CHRM3: variants seen among roughly 807,000 people sequenced by gnomAD.
The protein encoded by CHRM3 is muscarinic acetylcholine receptor M3.
CHRM3 carries 11 observed loss-of-function variants against 41.8 expected under a neutral mutation model. That is an observed-to-expected ratio of 0.26 (90% CI 0.17 to 0.44). The LOEUF (loss-of-function observed/expected upper bound fraction) is 0.44. Ranked by LOEUF, CHRM3 falls within the 20% of genes least tolerant of loss-of-function variation. The pLI is 1.00. For synonymous variants in CHRM3, 297 were observed against 301.4 expected (o/e 0.99, Z 0.15); for missense variants, 571 against 745.4 (o/e 0.77, Z 2.72).
chr1:239,891,323 T>C (rs909091012), intron 6 of CHRM3, among the ~76,000 whole-genome samples: 5 of 152,340 alleles, frequency 3.3e-5, no homozygotes, highest in African/African-American at 9.6e-5. Flanking sequence ...TTTTTGTTTT[T>C]ATTAATAAAT....
chr1:239,795,140 G>A (rs557406405), intron 5 of CHRM3, among the ~76,000 whole-genome samples: 1 of 152,132 alleles, frequency 6.6e-6, no homozygotes, highest in Admixed American at 6.6e-5. Context: ...TTAACTGAAA[G>A]AAAATAGCTT....
intron 5 of CHRM3, among the ~76,000 whole-genome samples, chr1:239,682,582 C>A (rs1372563561): frequency 6.6e-6 from 1 of 151,782 alleles, no homozygotes; most frequent in Non-Finnish European, 1.5e-5. Flanking sequence ...TTGCTATTAA[C>A]TCCCTTTAAT....
At chr1:239,435,210 G>C (rs574647146) in intron 1 of CHRM3, among the ~76,000 whole-genome samples, 8 of 150,750 alleles carry the variant, frequency 5.3e-5, no homozygotes, top group East Asian at 3.9e-4. Flanking sequence ...CCAGCACTTC[G>C]GGAGGCCAAG....
intron 4 of CHRM3, among the ~76,000 whole-genome samples, chr1:239,676,110 T>G (rs1194004951): frequency 4.6e-5 from 7 of 152,216 alleles, no homozygotes; most frequent in African/African-American, 1.4e-4. Context: ...TCTACCTGAA[T>G]AGACAAGACA....
Position 239,578,204 on chromosome 1 carries a change from A to G in CHRM3, c.-313+32455A>G, listed in dbSNP as rs187675172. 5.5e-3 allele frequency among the ~76,000 whole-genome samples: 841 copies of G among 151,956 alleles called. 5 individuals are homozygous for G. The highest frequency in any genetic ancestry group is 0.016 in the African/African-American group (661 of 41,428). ...AGTCAGTCAGTTTTGATAATTTATAACTCCATCTGTGTGTGCAGTTATATT... is the reference window on the plus strand; with the variant it reads ...AGTCAGTCAGTTTTGATAATTTATAGCTCCATCTGTGTGTGCAGTTATATT... On this transcript the variant is annotated intron_variant, in intron 3 of 6. Coordinates refer to ENST00000676153, the MANE Select transcript of CHRM3 (RefSeq NM_001375978.1).
chr1:239,563,417 T>C lies in CHRM3; in HGVS notation c.-313+17668T>C, dbSNP rs190812245. On this transcript the variant is annotated intron_variant, in intron 3 of 6. Transcript: ENST00000676153. ...AGAATGTCCCTAAAATGACCAATAT[T>C]TGGGGACAGTAAGAATGGCTAAAGC... Among the ~76,000 whole-genome samples the C allele has an allele frequency of 6.6e-5, 10 of 152,252 alleles. No homozygotes were observed. The East Asian group carries it at 1.9e-3, about 29-fold the overall frequency.
At chr1:239,469,766 A>G (rs552910202) in intron 1 of CHRM3, among the ~76,000 whole-genome samples, 8 of 152,244 alleles carry the variant, frequency 5.3e-5, no homozygotes, top group African/African-American at 1.7e-4. Flanking sequence ...CATGTTGGCC[A>G]GGGTGGTCCC....
At chr1:239,872,468 A>G (rs1347453207) in intron 6 of CHRM3, among the ~76,000 whole-genome samples, 1 of 152,110 alleles carries the variant, frequency 6.6e-6, no homozygotes, top group East Asian at 1.9e-4. Context: ...AAGAGAACTA[A>G]ACACCCACCT....
chr1:239,753,747 G>T (rs976513985), intron 5 of CHRM3, among the ~76,000 whole-genome samples: 1 of 152,186 alleles, frequency 6.6e-6, no homozygotes, highest in African/African-American at 2.4e-5. Context: ...GCTGAATCCT[G>T]GGTTATATCA....
At chr1:239,388,032 G>T (rs1232902229) in intron 1 of CHRM3, among the ~76,000 whole-genome samples, 2 of 152,144 alleles carry the variant, frequency 1.3e-5, no homozygotes, top group East Asian at 3.9e-4. Context: ...TCTACTTCGC[G>T]GTGTGCGTGC....
chr1:239,829,624 G>C (rs555668366), intron 6 of CHRM3, among the ~76,000 whole-genome samples: 28 of 152,128 alleles, frequency 1.8e-4, no homozygotes, highest in African/African-American at 6.3e-4. Flanking sequence ...AAAATTGTTT[G>C]ACTCATGTGG....
chr1:239,622,451 T>C (rs1668487220), intron 3 of CHRM3, among the ~76,000 whole-genome samples: 1 of 152,196 alleles, frequency 6.6e-6, no homozygotes, highest in Non-Finnish European at 1.5e-5. Context: ...ATTAAATACA[T>C]TCATGATTCT....
At chr1:239,579,801 A>G (rs188955696) in intron 3 of CHRM3, among the ~76,000 whole-genome samples, 1 of 152,306 alleles carries the variant, frequency 6.6e-6, no homozygotes, top group East Asian at 1.9e-4. Flanking sequence ...ATACGTCCAT[A>G]TTAACTGATT....
rs868683805 is a variant in CHRM3, at chr1:239,908,966, C to A, written c.1515C>A (p.Thr505=). 1 of 1,614,084 alleles carries A rather than the reference C, an allele frequency of 6.2e-7. No individual in the cohort carries two copies. The highest frequency in any genetic ancestry group is 8.5e-7 in the Non-Finnish European group (1 of 1,180,014). ...TGCTTGCCTTCATCATCACTTGGAC[C>A]CCATACAACATCATGGTTCTGGTGA... ...AILLAFIITW[T]PYNIMVLVNT... is the part of the protein sequence containing the mutation. The change falls in exon 7 of 7, where the codon ACC becomes ACA. Residue 505 remains threonine (T), a synonymous_variant. Transcript: ENST00000676153. This position sits in a 1 kb window ranked among gnomAD's most constrained non-coding sequence, Gnocchi z 7.2.
At chr1:239,739,455 G>A (rs1664658425) in intron 5 of CHRM3, among the ~76,000 whole-genome samples, 1 of 152,142 alleles carries the variant, frequency 6.6e-6, no homozygotes, top group South Asian at 2.1e-4. Context: ...AGTCAGGTGA[G>A]CTAAATCACA....
At chr1:239,822,141 A>T (rs1446324035) in intron 5 of CHRM3, among the ~76,000 whole-genome samples, 2 of 152,200 alleles carry the variant, frequency 1.3e-5, no homozygotes, top group East Asian at 3.8e-4. Context: ...AAGCTAATAG[A>T]TGAGCATTAA....
intron 2 of CHRM3, among the ~76,000 whole-genome samples, chr1:239,493,833 A>G (rs1049091718): frequency 1.3e-5 from 2 of 152,160 alleles, no homozygotes; most frequent in Non-Finnish European, 2.9e-5. Context: ...GCCCAGTTGA[A>G]CCTGATGCAG....
chr1:239,670,936 T>G (rs1441388141), intron 4 of CHRM3, among the ~76,000 whole-genome samples: 1 of 152,224 alleles, frequency 6.6e-6, no homozygotes, highest in Non-Finnish European at 1.5e-5. Context: ...CTCAGCAGTA[T>G]ATATTAAATA....
chr1:239,651,662 T>C (rs1246046922), intron 4 of CHRM3, among the ~76,000 whole-genome samples: 5 of 152,044 alleles, frequency 3.3e-5, no homozygotes, highest in African/African-American at 4.8e-5. Context: ...CAAAGTGTGG[T>C]CTAAGGATCA....
Sources: gnomAD v4.1 joint callset for allele counts (sites outside exome capture counted in the v4.1 genomes callset) on GRCh38, gnomAD v4.1.1 for gene constraint, Gnocchi (gnomAD v3.1) non-coding constraint, MANE v1.5 for transcripts, NCBI Gene and HGNC (gene_info 2026-07-23, HGNC 2026-07-21) for gene names.